Variants in PTBP3 observed in about 807,000 individuals in gnomAD.
PTBP3 encodes the protein polypyrimidine tract binding protein 3, also known as polypyrimidine tract-binding protein 3.
A neutral mutation model predicts 58.7 loss-of-function variants in PTBP3; 20 were observed. That is an observed-to-expected ratio of 0.34 (90% CI 0.24 to 0.50). The LOEUF (loss-of-function observed/expected upper bound fraction) is 0.50, where lower values mean the gene tolerates loss of function less well. Ranked by LOEUF, PTBP3 falls within the 20% of genes least tolerant of loss-of-function variation. PTBP3 has a pLI of 0.98. For synonymous variants in PTBP3, 185 were observed against 219.8 expected (o/e 0.84, Z 1.40); for missense variants, 509 against 637.2 (o/e 0.80, Z 2.17).
At chr9:112,273,757 C>T (rs1205986323) in intron 3 of PTBP3, among the ~76,000 whole-genome samples, 1 of 152,092 alleles carries the variant, frequency 6.6e-6, no homozygotes, top group East Asian at 1.9e-4. Context: ...CCATTTGGCC[C>T]CTGACACTCC....
chr9:112,272,593 G>C (rs993337213), intron 3 of PTBP3: 1 of 151,326 alleles, frequency 6.6e-6, no homozygotes, highest in Non-Finnish European at 1.5e-5. Context: ...TAACAGATAG[G>C]GGTCTTGATA....
intron 1 of PTBP3, among the ~76,000 whole-genome samples, chr9:112,319,164 A>G (rs1385999421): frequency 6.6e-6 from 1 of 151,744 alleles, no homozygotes; most frequent in Non-Finnish European, 1.5e-5. Flanking sequence ...TTTCATTTAC[A>G]ATAGCTACAA....
Sources: gnomAD v4.1 joint callset for allele counts (sites outside exome capture counted in the v4.1 genomes callset) on GRCh38, gnomAD v4.1.1 for gene constraint, MANE v1.5 for transcripts, NCBI Gene and HGNC (gene_info 2026-07-23, HGNC 2026-07-21) for gene names.